CFAP54: variants seen among roughly 807,000 people sequenced by gnomAD.
The protein encoded by CFAP54 is cilia and flagella associated protein 54, also known as cilia- and flagella-associated protein 54.
A neutral mutation model predicts 370.4 loss-of-function variants in CFAP54; 290 were observed. That is an observed-to-expected ratio of 0.78 (90% CI 0.71 to 0.86). The LOEUF (loss-of-function observed/expected upper bound fraction) is 0.86, where lower values mean the gene tolerates loss of function less well. Among genes scored for constraint, CFAP54 ranks in the 40% least tolerant of loss-of-function variants. The pLI is 0.00. For synonymous variants in CFAP54, 1,206 were observed against 1,236.5 expected, an observed-to-expected ratio of 0.98 and a Z score of 0.52; for missense variants, 3,399 against 3,528.7, an observed-to-expected ratio of 0.96 and a Z score of 0.93.
At chr12:96,562,205 A>G (rs760787834) in intron 17 of CFAP54, among the ~76,000 whole-genome samples, 1 of 152,122 alleles carries the variant, frequency 6.6e-6, no homozygotes, top group African/African-American at 2.4e-5. Flanking sequence ...CAATGTAATT[A>G]CTCATTTGTT....
At chr12:96,505,530 G>T (rs1195254806) in intron 3 of CFAP54, among the ~76,000 whole-genome samples, 1 of 142,858 alleles carries the variant, frequency 7.0e-6, no homozygotes, top group African/African-American at 2.6e-5. Flanking sequence ...TGAGACCGAG[G>T]CTCACTCTGT....
intron 62 of CFAP54, 104 bp downstream of exon 62, chr12:96,787,002 TTC>T (rs1371307072): frequency 1.4e-5 from 12 of 885,016 alleles, no homozygotes; most frequent in Non-Finnish European, 2.0e-5. Context: ...AGATTTCTAC[TTC>T]TCTCAGAGTT....
At chr12:96,693,375 C>A (rs1454112910) in intron 44 of CFAP54, among the ~76,000 whole-genome samples, 1 of 152,186 alleles carries the variant, frequency 6.6e-6, no homozygotes, top group Non-Finnish European at 1.5e-5. Context: ...AATTTTTCCA[C>A]AGGCCACAGT....
intron 66 of CFAP54, among the ~76,000 whole-genome samples, chr12:96,839,853 C>T (rs1206023229): frequency 6.6e-6 from 1 of 152,178 alleles, no homozygotes; most frequent in African/African-American, 2.4e-5. Context: ...GGGCCATGGT[C>T]TGGAACATAA....
At chr12:96,635,110 A>G (rs750541392) in intron 32 of CFAP54, among the ~76,000 whole-genome samples, 8 of 152,210 alleles carry the variant, frequency 5.3e-5, no homozygotes, top group Non-Finnish European at 7.3e-5. Context: ...CTTGTCTGTA[A>G]CACGAATTTT....
At chr12:96,642,017 A>T (rs910627655) in intron 32 of CFAP54, among the ~76,000 whole-genome samples, 3 of 152,058 alleles carry the variant, frequency 2.0e-5, no homozygotes, top group Admixed American at 2.0e-4. Context: ...AACATGGCAC[A>T]TGTATACATA....
Position 96,522,159 on chromosome 12 carries a change from G to C in CFAP54, c.1128G>C (p.Lys376Asn). The C allele has an allele frequency of 6.5e-7, 1 of 1,534,786 alleles. No individual in the cohort carries two copies. The highest frequency in any genetic ancestry group is 8.7e-7 in the Non-Finnish European group (1 of 1,146,352). Reference protein sequence around the residue: ...RRKNKAVFRPKIRINLREVQT... With the variant: ...RRKNKAVFRPNIRINLREVQT... ...AAAACAAAGCTGTCTTTAGACCTAAGATAAGAATTAACCTAAGGGAAGTAC... is the reference window on the plus strand; with the variant it reads ...AAAACAAAGCTGTCTTTAGACCTAACATAAGAATTAACCTAAGGGAAGTAC... Residue 376 changes from lysine to asparagine, a missense_variant, in exon 8 of 68, where the codon AAG becomes AAC. Transcript: ENST00000524981.
chr12:96,647,471 C>G (rs1312743657), intron 33 of CFAP54, among the ~76,000 whole-genome samples: 1 of 10,688 alleles, frequency 9.4e-5, no homozygotes, highest in Admixed American at 1.4e-3. Flanking sequence ...AGACTCTGTC[C>G]CAAAAAAAAA....
intron 50 of CFAP54, among the ~76,000 whole-genome samples, chr12:96,729,123 CA>C (rs1235651380): frequency 6.6e-6 from 1 of 152,160 alleles, no homozygotes; most frequent in Non-Finnish European, 1.5e-5. Flanking sequence ...GCTCGGGGGT[CA>C]GGGGTCGGGG....
chr12:96,742,388 A>C (rs1322738851), intron 51 of CFAP54, 51 bp from the exon 52 acceptor site: 1 of 1,379,288 alleles, frequency 7.3e-7, no homozygotes, highest in Non-Finnish European at 1.0e-6. Flanking sequence ...CTTAGGCTAG[A>C]ACCTTGACAT....
At chr12:96,563,336 C>A (rs1955834715) in intron 17 of CFAP54, among the ~76,000 whole-genome samples, 1 of 152,130 alleles carries the variant, frequency 6.6e-6, no homozygotes, top group African/African-American at 2.4e-5. Flanking sequence ...TCACTTTGTT[C>A]CCCTACCTTG....
rs999647017 is a variant in CFAP54, at chr12:96,527,352, G to T, written c.1265G>T (p.Arg422Leu). 2.0e-6 allele frequency: 3 copies of T among 1,535,688 alleles called. No homozygotes were observed. The African/African-American group carries it at 4.1e-5, about 21-fold the overall frequency. The change falls in exon 9 of 68, where the codon CGA (arginine) becomes CTA (leucine). Residue 422 changes from arginine (R) to leucine (L), a missense_variant. By Grantham distance (102) the Arg-to-Leu change is moderately radical (BLOSUM62 -2). Transcript: ENST00000524981. ...VLEALSDSNR[R>L]ILQTGPIVTD... ...GAAGCTCTTTCTGATTCAAATAGGC[G>T]AATACTGCAAACTGGACCCATTGTT...
intron 14 of CFAP54, among the ~76,000 whole-genome samples, chr12:96,545,614 C>G (rs1955632303): frequency 6.6e-6 from 1 of 152,098 alleles, no homozygotes; most frequent in Non-Finnish European, 1.5e-5. Context: ...CCTCCGTGAC[C>G]CAGTCATCTC....
intron 39 of CFAP54, among the ~76,000 whole-genome samples, chr12:96,668,310 G>A (rs1310822394): frequency 6.6e-6 from 1 of 152,140 alleles, no homozygotes; most frequent in African/African-American, 2.4e-5. Context: ...CCAGTTTACT[G>A]TATTAGGCCA....
intron 1 of CFAP54, among the ~76,000 whole-genome samples, chr12:96,499,765 G>A (rs1955003415): frequency 6.6e-6 from 1 of 152,192 alleles, no homozygotes; most frequent in African/African-American, 2.4e-5. Context: ...GGCCCACATG[G>A]TGAAACCCTG....
chr12:96,579,116 T>G (rs1176739618), intron 20 of CFAP54, among the ~76,000 whole-genome samples: 1 of 152,076 alleles, frequency 6.6e-6, no homozygotes, highest in African/African-American at 2.4e-5. Flanking sequence ...TTTTCTTCTT[T>G]GAAAAATAGT....
intron 47 of CFAP54, among the ~76,000 whole-genome samples, chr12:96,705,139 G>C (rs951762724): frequency 2.8e-4 from 43 of 152,226 alleles, no homozygotes; most frequent in African/African-American, 9.9e-4. Context: ...TGTTAAAGGG[G>C]GCTATGAATG....
intron 60 of CFAP54, among the ~76,000 whole-genome samples, chr12:96,783,704 T>C (rs55902242): frequency 6.6e-6 from 1 of 152,238 alleles, no homozygotes; most frequent in South Asian, 2.1e-4. Flanking sequence ...CTGACCAACA[T>C]GGAGAAACGC....
chr12:96,679,588 C>G lies in CFAP54; in HGVS notation c.5564-12C>G. ...ATTTCATCCCCAATATTCCGCTTTT[C>G]TTTCCTTTCAGAATACAGCCGAGCC... On this transcript the variant is annotated splice_polypyrimidine_tract_variant and intron_variant, in intron 39 of 67. Coordinates refer to ENST00000524981, the MANE Select transcript of CFAP54 (RefSeq NM_001306084.2). The G allele has an allele frequency of 6.2e-7, 1 of 1,604,836 alleles. No individual in the cohort carries two copies. The highest frequency in any genetic ancestry group is 2.2e-5 in the East Asian group (1 of 44,564).
Sources: allele counts gnomAD v4.1 joint callset (sites outside exome capture counted in the v4.1 genomes callset), GRCh38; gene constraint gnomAD v4.1.1; transcripts MANE v1.5; gene names NCBI Gene and HGNC (gene_info 2026-07-23, HGNC 2026-07-21).